FBN2: variants seen among roughly 807,000 people sequenced by gnomAD.
The protein encoded by FBN2 is fibrillin 2.
In FBN2, 105 loss-of-function variants were observed where a neutral mutation model predicts 355.6. That is an observed-to-expected ratio of 0.30 (90% CI 0.25 to 0.35). The LOEUF (loss-of-function observed/expected upper bound fraction) is 0.35. Ranked by LOEUF, FBN2 falls within the 10% of genes least tolerant of loss-of-function variation. The pLI is 1.00. For synonymous variants in FBN2, 1,350 were observed against 1,301.2 expected (o/e 1.04, Z -0.81); for missense variants, 3,280 against 3,758.7 (o/e 0.87, Z 3.33).
intron 7 of FBN2, among the ~76,000 whole-genome samples, chr5:128,427,184 C>A (rs1753505007): frequency 6.6e-6 from 1 of 152,234 alleles, no homozygotes; most frequent in African/African-American, 2.4e-5. Context: ...TTCTGCCCAC[C>A]CCCCTGCCAC....
In FBN2 at chr5:128,291,672, T is replaced by A. The variant is rs1749327310; in HGVS notation, c.6167-18A>T. Reference sequence around the variant, plus strand: ...ATTTATATCTGCAGAACAGGGGGAGTATTTATTAGCCATTCAACACTTGAA... The same window carrying A: ...ATTTATATCTGCAGAACAGGGGGAGAATTTATTAGCCATTCAACACTTGAA... On this transcript the variant is annotated intron_variant, in intron 48 of 64. Coordinates refer to ENST00000262464, the MANE Select transcript of FBN2 (RefSeq NM_001999.4). 3.7e-6 allele frequency: 6 copies of A among 1,611,376 alleles called. No individual in the cohort carries two copies. The East Asian group carries it at 1.3e-4, about 36-fold the overall frequency.
Position 128,331,467 on chromosome 5 carries a change from G to T in FBN2, c.4223-772C>A, listed in dbSNP as rs557812462. Among the ~76,000 whole-genome samples, 3 of 152,290 alleles carry T rather than the reference G, an allele frequency of 2.0e-5. No homozygotes were observed. The South Asian group carries it at 6.2e-4, about 32-fold the overall frequency. On this transcript the variant is annotated intron_variant, in intron 32 of 64. Coordinates refer to ENST00000262464, the MANE Select transcript of FBN2 (RefSeq NM_001999.4). ...AGAATGCACCAGACAGAGGGTGATG[G>T]ACAATGAAGCTAGAGAGACAGTGGA...
intron 7 of FBN2, among the ~76,000 whole-genome samples, chr5:128,416,750 G>A (rs1753210950): frequency 6.6e-6 from 1 of 152,054 alleles, no homozygotes; most frequent in Non-Finnish European, 1.5e-5. Flanking sequence ...TGTTCCACTG[G>A]TCTAGTATCT....
chr5:128,480,625 G>A (rs1209661350), intron 5 of FBN2, among the ~76,000 whole-genome samples: 1 of 152,120 alleles, frequency 6.6e-6, no homozygotes, highest in Non-Finnish European at 1.5e-5. Context: ...TGGGAGAATG[G>A]CTTGAACCCG....
In FBN2 at chr5:128,393,348, T is replaced by C; in HGVS notation, c.1252A>G (p.Met418Val). The C allele has an allele frequency of 1.9e-6, 3 of 1,614,134 alleles. No individual in the cohort carries two copies. Among genetic ancestry groups the C allele is most frequent in the Non-Finnish European group, 2.5e-6 (3 of 1,179,996 alleles). Residue 418 changes from methionine (M) to valine (V), a missense_variant, in exon 10 of 65, where the codon ATG (methionine) becomes GTG (valine). By Grantham distance (21) the Met-to-Val change is conservative. Around this residue, in one of 6 missense-constraint regions of FBN2, gnomAD observed 343 missense variants for 331.0 expected, o/e 1.04. Transcript: ENST00000262464. Reference sequence around the variant, plus strand: ...ATTCCTCCCATTGGAAGTCCATCCATGCAAAGTCTGCGATATTCCTCTAGA... The same window carrying C: ...ATTCCTCCCATTGGAAGTCCATCCACGCAAAGTCTGCGATATTCCTCTAGA... ...RGSEEYRRLC[M>V]DGLPMGGIPG... is the part of the protein sequence containing the mutation.
chr5:128,309,126 C>T, intron 41 of FBN2, 121 bp downstream of exon 41: 1 of 1,016,362 alleles, frequency 9.8e-7, no homozygotes, highest in South Asian at 1.4e-5. Context: ...ATATGATGCT[C>T]TTGGGAATTT....
At chr5:128,313,864 A>C (rs1049169748) in intron 36 of FBN2, among the ~76,000 whole-genome samples, 5 of 151,290 alleles carry the variant, frequency 3.3e-5, no homozygotes, top group Middle Eastern at 3.4e-3. Flanking sequence ...AAAAAAAAAA[A>C]AAAAAAAAAA....
chr5:128,305,769 C>T, intron 43 of FBN2, 54 bp downstream of exon 43: 3 of 1,604,176 alleles, frequency 1.9e-6, no homozygotes, highest in Non-Finnish European at 2.6e-6. Flanking sequence ...CATCTAAATG[C>T]TATATATGTA....
chr5:128,489,783 G>A (rs550838072), intron 5 of FBN2, among the ~76,000 whole-genome samples: 26 of 152,096 alleles, frequency 1.7e-4, no homozygotes, highest in Non-Finnish European at 3.2e-4. Flanking sequence ...TATATCCAAA[G>A]CAACACAGCA....
intron 5 of FBN2, among the ~76,000 whole-genome samples, chr5:128,501,286 T>C (rs534557696): frequency 1.3e-5 from 2 of 152,276 alleles, no homozygotes; most frequent in South Asian, 4.2e-4. Context: ...CTCAGATCCT[T>C]TCATCACTGC....
chr5:128,318,621 A>T lies in FBN2; in HGVS notation c.4594+258T>A, dbSNP rs144663909. Among the ~76,000 whole-genome samples, 759 of 152,036 alleles carry T rather than the reference A, an allele frequency of 5.0e-3. 4 individuals carry two copies. Among genetic ancestry groups the T allele is most frequent in the African/African-American group, 0.017 (722 of 41,494 alleles). ...GTACTATATATACATATACATGAAC[A>T]TATATATAAAGAGACACTTTACTAG... On this transcript the variant is annotated intron_variant, in intron 35 of 64. Coordinates refer to ENST00000262464, the MANE Select transcript of FBN2 (RefSeq NM_001999.4).
At chr5:128,285,172 T>C (rs1170016561) in intron 55 of FBN2, among the ~76,000 whole-genome samples, 1 of 151,170 alleles carries the variant, frequency 6.6e-6, no homozygotes, top group Non-Finnish European at 1.5e-5. Context: ...ACTGTAATAC[T>C]TTTAGTTTCC....
chr5:128,470,185 T>C (rs1754819942), intron 5 of FBN2, among the ~76,000 whole-genome samples: 1 of 151,998 alleles, frequency 6.6e-6, no homozygotes, highest in African/African-American at 2.4e-5. Flanking sequence ...CCACAGGACA[T>C]AGGAAGCACA....
intron 5 of FBN2, among the ~76,000 whole-genome samples, chr5:128,504,150 C>A (rs997184753): frequency 6.6e-6 from 1 of 152,130 alleles, no homozygotes; most frequent in African/African-American, 2.4e-5. Flanking sequence ...GGGAACTCCA[C>A]CTAGATTTTA....
chr5:128,434,409 T>TATATATACAC (rs1753719627), intron 7 of FBN2, among the ~76,000 whole-genome samples: 1 of 108,312 alleles, frequency 9.2e-6, no homozygotes, highest in East Asian at 2.3e-4. Context: ...TATATATATA[T>TATATATACAC]ATATATATAT....
rs1482008222 is a variant in FBN2 at position 128,311,919 on chromosome 5, G to A, written c.4914C>T (p.Gly1638=). Residue 1638 remains glycine, a synonymous_variant, in exon 38 of 65, where the codon GGC becomes GGT. Coordinates refer to ENST00000262464, the MANE Select transcript of FBN2 (RefSeq NM_001999.4). ...EYYTLCPGGE[G]FRPNPITIIL... Reference sequence around the variant, plus strand: ...TGATTGTGATGGGGTTAGGTCTGAAGCCTTCACCTCCGGGACACAGGGTGT... The same window carrying A: ...TGATTGTGATGGGGTTAGGTCTGAAACCTTCACCTCCGGGACACAGGGTGT... The A allele has an allele frequency of 8.1e-6, 13 of 1,612,382 alleles. No homozygotes were observed. Among genetic ancestry groups the A allele is most frequent in the African/African-American group, 1.3e-5 (1 of 74,852 alleles).
chr5:128,512,947 A>G (rs1261939641), intron 5 of FBN2, among the ~76,000 whole-genome samples: 1 of 152,208 alleles, frequency 6.6e-6, no homozygotes, highest in Admixed American at 6.5e-5. Flanking sequence ...AACATAATAG[A>G]TATATATTAT....
At chr5:128,440,961 A>C (rs1753902110) in intron 7 of FBN2, among the ~76,000 whole-genome samples, 1 of 152,160 alleles carries the variant, frequency 6.6e-6, no homozygotes. Context: ...TAAATTGGTC[A>C]ATCTGGGGAG....
intron 25 of FBN2, among the ~76,000 whole-genome samples, chr5:128,343,151 G>A (rs936921519): frequency 2.0e-5 from 3 of 152,180 alleles, no homozygotes; most frequent in African/African-American, 7.2e-5. Flanking sequence ...GGGCATGTAA[G>A]TCAGGGAAGA....
Sources: allele counts gnomAD v4.1 joint callset (sites outside exome capture counted in the v4.1 genomes callset), GRCh38; gene constraint gnomAD v4.1.1; regional missense constraint gnomAD v4.1.1; transcripts MANE v1.5; gene names NCBI Gene and HGNC (gene_info 2026-07-23, HGNC 2026-07-21).